UNC5C: variants seen among roughly 807,000 people sequenced by gnomAD.
The protein encoded by UNC5C is netrin receptor UNC5C.
In UNC5C, 47 loss-of-function variants were observed where a neutral mutation model predicts 99.8. The observed-to-expected ratio is 0.47, with a 90% CI of 0.37 to 0.60. The LOEUF (loss-of-function observed/expected upper bound fraction) is 0.60. Ranked by LOEUF, UNC5C falls within the 20% of genes least tolerant of loss-of-function variation. The pLI, the probability that UNC5C is intolerant of heterozygous loss-of-function variation, is 0.00. For missense variants in UNC5C, 1,062 were observed against 1,165.9 expected (o/e 0.91, Z 1.30); for synonymous variants, 487 against 452.2 (o/e 1.08, Z -0.98).
intron 4 of UNC5C, among the ~76,000 whole-genome samples, chr4:95,276,461 G>A (rs910079657): frequency 1.3e-5 from 2 of 151,958 alleles, no homozygotes; most frequent in Non-Finnish European, 2.9e-5. Flanking sequence ...CTTTGTCAAG[G>A]AGACTGAAAA....
chr4:95,511,612 G>T lies in UNC5C; in HGVS notation c.124+37122C>A, dbSNP rs115709261. 6.0e-3 allele frequency among the ~76,000 whole-genome samples: 920 copies of T among 152,148 alleles called. 14 individuals carry two copies. The highest frequency in any genetic ancestry group is 6.2e-3 in the Non-Finnish European group (419 of 68,004). On this transcript the variant is annotated intron_variant, in intron 1 of 15. Transcript: ENST00000453304. Reference sequence around the variant, plus strand: ...TGATTCATTCCTTCAGCAGATACTTGCATAACCTCTATTTAGGTTTCATGG... The same window carrying T: ...TGATTCATTCCTTCAGCAGATACTTTCATAACCTCTATTTAGGTTTCATGG...
At chr4:95,185,619 A>G (rs1156477839) in intron 12 of UNC5C, among the ~76,000 whole-genome samples, 1 of 152,254 alleles carries the variant, frequency 6.6e-6, no homozygotes, top group African/African-American at 2.4e-5. Flanking sequence ...AAAGGGACAA[A>G]TAACTAGAAG....
Position 95,542,506 on chromosome 4 carries a change from A to G in UNC5C, c.124+6228T>C, listed in dbSNP as rs148070175. 7.1e-3 allele frequency among the ~76,000 whole-genome samples: 1,085 copies of G among 152,260 alleles called. 12 individuals are homozygous for G. Among genetic ancestry groups the G allele is most frequent in the African/African-American group, 0.025 (1,024 of 41,560 alleles). ...ACTTAATTAATGTCATGGCAACTTT[A>G]ACACTATGTACTCCATGTAGAAGGG... On this transcript the variant is annotated intron_variant, in intron 1 of 15. Transcript: ENST00000453304.
chr4:95,357,636 G>A (rs959227816), intron 1 of UNC5C, among the ~76,000 whole-genome samples: 1 of 151,906 alleles, frequency 6.6e-6, no homozygotes, highest in Admixed American at 6.6e-5. Context: ...ATTAAAAAAA[G>A]GAAGAAATAG....
At chr4:95,275,258 C>T (rs1239475832) in intron 4 of UNC5C, among the ~76,000 whole-genome samples, 1 of 152,116 alleles carries the variant, frequency 6.6e-6, no homozygotes, top group Non-Finnish European at 1.5e-5. Context: ...GCATACCCCA[C>T]AGTGCCAAGA....
chr4:95,540,628 G>T (rs1378465099), intron 1 of UNC5C, among the ~76,000 whole-genome samples: 1 of 152,182 alleles, frequency 6.6e-6, no homozygotes, highest in Non-Finnish European at 1.5e-5. Flanking sequence ...ATTGCTGCTT[G>T]CTAAACTTGA....
chr4:95,232,066 C>T (rs566613075), intron 7 of UNC5C, among the ~76,000 whole-genome samples: 34 of 152,052 alleles, frequency 2.2e-4, no homozygotes, highest in African/African-American at 7.7e-4. Flanking sequence ...AATTAACATC[C>T]CAGGATGTAA....
chr4:95,481,544 A>G (rs566735922), intron 1 of UNC5C, among the ~76,000 whole-genome samples: 2 of 152,076 alleles, frequency 1.3e-5, no homozygotes, highest in East Asian at 1.9e-4. Flanking sequence ...AAGAGCCCAC[A>G]TCGCCAAGTC....
chr4:95,400,150 CTT>C (rs1745645226), intron 1 of UNC5C, among the ~76,000 whole-genome samples: 1 of 152,158 alleles, frequency 6.6e-6, no homozygotes, highest in Non-Finnish European at 1.5e-5. Flanking sequence ...CATCCCCTCT[CTT>C]TGCGTGCAGA....
chr4:95,181,424 G>A (rs1230060742), intron 14 of UNC5C, among the ~76,000 whole-genome samples: 2 of 152,052 alleles, frequency 1.3e-5, no homozygotes, highest in Non-Finnish European at 2.9e-5. Context: ...TTTTTAACAC[G>A]CAGCCAATGT....
intron 1 of UNC5C, among the ~76,000 whole-genome samples, chr4:95,373,601 A>C (rs967771275): frequency 6.6e-6 from 1 of 152,130 alleles, no homozygotes; most frequent in African/African-American, 2.4e-5. Context: ...CAAATGTCCT[A>C]ACAGTTTGTT....
chr4:95,187,881 A>G (rs1736898773), intron 12 of UNC5C, among the ~76,000 whole-genome samples: 1 of 152,184 alleles, frequency 6.6e-6, no homozygotes, highest in Admixed American at 6.5e-5. Context: ...CCAATGGGAC[A>G]TAAACCCTGG....
intron 1 of UNC5C, among the ~76,000 whole-genome samples, chr4:95,373,128 C>T (rs532934175): frequency 6.6e-6 from 1 of 152,256 alleles, no homozygotes; most frequent in South Asian, 2.1e-4. Context: ...TAATGGCCTC[C>T]TTGCAGGTTT....
intron 7 of UNC5C, among the ~76,000 whole-genome samples, chr4:95,237,561 A>G (rs567970013): frequency 5.9e-5 from 9 of 152,362 alleles, no homozygotes; most frequent in African/African-American, 1.9e-4. Context: ...TAAACAATTT[A>G]GAAAACTTTT....
At chr4:95,409,236 G>C (rs1745910672) in intron 1 of UNC5C, among the ~76,000 whole-genome samples, 1 of 151,998 alleles carries the variant, frequency 6.6e-6, no homozygotes, top group Non-Finnish European at 1.5e-5. Context: ...AGACTCAAAG[G>C]AGGTAAATGA....
intron 1 of UNC5C, among the ~76,000 whole-genome samples, chr4:95,353,425 C>T (rs1560800470): frequency 6.6e-6 from 1 of 151,866 alleles, no homozygotes; most frequent in African/African-American, 2.4e-5. Flanking sequence ...TTATATATTT[C>T]ATAATATTAT....
intron 1 of UNC5C, among the ~76,000 whole-genome samples, chr4:95,449,171 A>G (rs548120224): frequency 3.3e-5 from 5 of 152,342 alleles, no homozygotes; most frequent in East Asian, 3.9e-4. Flanking sequence ...TAACAAAAAG[A>G]AAGACCACTG....
chr4:95,448,227 T>TGAGAGAGAGAGAGA lies in UNC5C; in HGVS notation c.124+100493_124+100506dup, dbSNP rs1208781802. Among the ~76,000 whole-genome samples, 182 of 100,124 alleles carry TGAGAGAGAGAGAGA rather than the reference T, an allele frequency of 1.8e-3. 5 individuals are homozygous for TGAGAGAGAGAGAGA. The highest frequency in any genetic ancestry group is 9.4e-3 in the East Asian group (34 of 3,598). 65.7% of individuals were successfully genotyped at this position (100,124 alleles called of 152,430 possible). A position where few individuals can be genotyped will look rare whatever the true frequency, so the allele number is the denominator to read the frequency against. On this transcript the variant is annotated intron_variant, in intron 1 of 15. Coordinates refer to ENST00000453304, the MANE Select transcript of UNC5C (RefSeq NM_003728.4). ...GTGTGTGTGTGTGTGTGTGTGTGTGTGAGAGAGAGAGAGAGAGAGAGAGAG... is the reference window on the plus strand; with the variant it reads ...GTGTGTGTGTGTGTGTGTGTGTGTGTGAGAGAGAGAGAGAGAGAGAGAGAGAGAGAGAGAGAGAG...
chr4:95,534,975 G>C (rs1722737468), intron 1 of UNC5C, among the ~76,000 whole-genome samples: 1 of 151,958 alleles, frequency 6.6e-6, no homozygotes. Context: ...GTTAGCAAAG[G>C]GTAAAAAGTT....
Sources: gnomAD v4.1 joint callset for allele counts (sites outside exome capture counted in the v4.1 genomes callset) on GRCh38, gnomAD v4.1.1 for gene constraint, MANE v1.5 for transcripts, NCBI Gene and HGNC (gene_info 2026-07-23, HGNC 2026-07-21) for gene names.